Variants in GALNT18 observed in about 807,000 individuals in gnomAD.
GALNT18 encodes polypeptide N-acetylgalactosaminyltransferase 18, also known as GalNAc-transferase 18.
In GALNT18, 44 loss-of-function variants were observed where a neutral mutation model predicts 69.5. The ratio of observed to expected loss-of-function variants is 0.63; its 90% confidence interval spans 0.50 to 0.81. The LOEUF (loss-of-function observed/expected upper bound fraction) is 0.81. GALNT18 is among the 40% of genes least tolerant of loss of function. GALNT18 has a pLI of 0.00. For missense variants in GALNT18, 715 were observed against 810.0 expected, an observed-to-expected ratio of 0.88 and a Z score of 1.42; for synonymous variants, 364 against 318.2, an observed-to-expected ratio of 1.14 and a Z score of -1.53.
chr11:11,602,673 C>T lies in GALNT18; in HGVS notation c.235+18686G>A, dbSNP rs182962753. On this transcript the variant is annotated intron_variant, in intron 1 of 10. Coordinates refer to ENST00000227756, the MANE Select transcript of GALNT18 (RefSeq NM_198516.3). The surrounding 1 kb of genome is among the most constrained non-coding windows in gnomAD (Gnocchi z 4.7). ...GATGGGTGTTGTTTAATAATTTTTA[C>T]CAGTTATGTTGTTTCACTGGGCAAA... Among the ~76,000 whole-genome samples the T allele has an allele frequency of 1.5e-3, 221 of 152,234 alleles. 3 individuals are homozygous for T. Among genetic ancestry groups the T allele is most frequent in the African/African-American group, 5.2e-3 (217 of 41,540 alleles).
At chr11:11,395,098 A>G (rs372911059) in intron 3 of GALNT18, among the ~76,000 whole-genome samples, 2 of 152,240 alleles carry the variant, frequency 1.3e-5, no homozygotes, top group Admixed American at 6.5e-5. Context: ...TTCAGCAAAA[A>G]TGTGGATGAC....
intron 3 of GALNT18, among the ~76,000 whole-genome samples, chr11:11,395,758 G>T (rs993104309): frequency 6.6e-6 from 1 of 152,206 alleles, no homozygotes; most frequent in Admixed American, 6.5e-5. Context: ...AAGCAGCAGA[G>T]CCGAAATGAA....
intron 1 of GALNT18, among the ~76,000 whole-genome samples, chr11:11,572,480 C>T: frequency 6.6e-6 from 1 of 152,208 alleles, no homozygotes; most frequent in African/African-American, 2.4e-5. Context: ...GTTTAGGCAG[C>T]TAATCCAAAG....
intron 10 of GALNT18, among the ~76,000 whole-genome samples, chr11:11,273,551 G>T (rs1475560815): frequency 6.6e-6 from 1 of 152,168 alleles, no homozygotes; most frequent in African/African-American, 2.4e-5. Flanking sequence ...AATAAATGCT[G>T]GTGAGGATGT....
intron 3 of GALNT18, among the ~76,000 whole-genome samples, chr11:11,431,904 G>T (rs1429381166): frequency 1.3e-5 from 2 of 152,218 alleles, no homozygotes; most frequent in Non-Finnish European, 2.9e-5. Flanking sequence ...GTCTCAAAAT[G>T]TGGTCTTTCA....
At chr11:11,394,219 AG>A (rs1854267119) in intron 3 of GALNT18, among the ~76,000 whole-genome samples, 1 of 152,170 alleles carries the variant, frequency 6.6e-6, no homozygotes, top group Admixed American at 6.5e-5. Context: ...GGATGGATGA[AG>A]GGGCTTTCCT....
At chr11:11,422,545 A>G (rs1855033809) in intron 3 of GALNT18, among the ~76,000 whole-genome samples, 1 of 151,860 alleles carries the variant, frequency 6.6e-6, no homozygotes, top group South Asian at 2.1e-4. Flanking sequence ...TTGTAATTTG[A>G]TTAGCTACAT....
At position 11,436,826 on chromosome 11, in the gene GALNT18, A is replaced by C. The variant is rs1855413582; in HGVS notation, c.429-4039T>G. Among the ~76,000 whole-genome samples the C allele has an allele frequency of 6.6e-6, 1 of 152,216 alleles. No individual in the cohort carries two copies. The highest frequency in any genetic ancestry group is 2.1e-4 in the South Asian group (1 of 4,832). On this transcript the variant is annotated intron_variant, in intron 2 of 10. Transcript: ENST00000227756. This position sits in a 1 kb window ranked among gnomAD's most constrained non-coding sequence, Gnocchi z 4.5. ...TTGTGCTGTAGTCCAAGTCACCTTG[A>C]AAAGAACACGCCTCCAAGAGCTGCG...
chr11:11,561,359 CTGTA>C (rs1858501413), intron 1 of GALNT18, among the ~76,000 whole-genome samples: 1 of 23,582 alleles, frequency 4.2e-5, no homozygotes, highest in African/African-American at 1.7e-4. Flanking sequence ...AAGCACTGTG[CTGTA>C]GGGAAAGGAA....
rs1855397077 is a variant in GALNT18, at chr11:11,436,123, G to T, written c.429-3336C>A. 6.6e-6 allele frequency among the ~76,000 whole-genome samples: 1 copy of T among 152,198 alleles called. No individual in the cohort carries two copies. Among genetic ancestry groups the T allele is most frequent in the South Asian group, 2.1e-4 (1 of 4,832 alleles). ...GCAGGGTAAGGAAGATGATATGGGG[G>T]GATCGTTTTTGGGAAAGCGTTTGAA... On this transcript the variant is annotated intron_variant, in intron 2 of 10. Transcript: ENST00000227756. The surrounding 1 kb of genome is among the most constrained non-coding windows in gnomAD (Gnocchi z 4.5).
At chr11:11,362,018 A>T (rs1431635327) in intron 6 of GALNT18, among the ~76,000 whole-genome samples, 1 of 152,230 alleles carries the variant, frequency 6.6e-6, no homozygotes, top group African/African-American at 2.4e-5. Context: ...ATCCAGAAAC[A>T]GACCCAAAAG....
rs10765860 is a variant in GALNT18 at position 11,497,818 on chromosome 11, T to C, written c.236-48882A>G. Reference sequence around the variant, plus strand: ...CCATAAACACTATTTCAACTTAAAATATTTCATGCTAATATTTTGGTGTAA... The same window carrying C: ...CCATAAACACTATTTCAACTTAAAACATTTCATGCTAATATTTTGGTGTAA... On this transcript the variant is annotated intron_variant, in intron 1 of 10. Transcript: ENST00000227756. The surrounding 1 kb of genome is among the most constrained non-coding windows in gnomAD (Gnocchi z 4.2). Among the ~76,000 whole-genome samples the C allele has an allele frequency of 0.7, 105,264 of 151,334 alleles. 36,692 individuals carry two copies. The highest frequency in any genetic ancestry group is 0.82 in the East Asian group (4,245 of 5,156).
rs1049476800 is a variant in GALNT18, at chr11:11,592,500, C to T, written c.235+28859G>A. Among the ~76,000 whole-genome samples the T allele has an allele frequency of 3.9e-5, 6 of 152,178 alleles. No individual in the cohort carries two copies. The highest frequency in any genetic ancestry group is 2.6e-4 in the Admixed American group (4 of 15,284). ...CTCCCTCAAGTTCCTACCATGGCTC[C>T]CTGGCAGAACCATGCTCCCTCACCT... is the stretch of plus-strand genomic sequence containing the variant. On this transcript the variant is annotated intron_variant, in intron 1 of 10. Coordinates refer to ENST00000227756, the MANE Select transcript of GALNT18 (RefSeq NM_198516.3). The surrounding 1 kb of genome is among the most constrained non-coding windows in gnomAD (Gnocchi z 5.9).
Position 11,543,520 on chromosome 11 carries a change from A to G in GALNT18, c.235+77839T>C, listed in dbSNP as rs985403160. Among the ~76,000 whole-genome samples, 1 of 152,028 alleles carries G rather than the reference A, an allele frequency of 6.6e-6. No individual in the cohort carries two copies. Among genetic ancestry groups the G allele is most frequent in the African/African-American group, 2.4e-5 (1 of 41,396 alleles). ...CAAGAGCCTGGCTTCTGCACAGGAC[A>G]CCATTCACCAAGTGCTGCTGGAGTC... On this transcript the variant is annotated intron_variant, in intron 1 of 10. Transcript: ENST00000227756. The surrounding 1 kb of genome is among the most constrained non-coding windows in gnomAD (Gnocchi z 5.1).
Position 11,620,319 on chromosome 11 carries a change from GC to G in GALNT18, c.235+1039del, listed in dbSNP as rs1326692380. 1.4e-3 allele frequency among the ~76,000 whole-genome samples: 36 copies of G among 25,648 alleles called. No homozygotes were observed. Among genetic ancestry groups the G allele is most frequent in the African/African-American group, 2.2e-3 (35 of 15,710 alleles). 16.8% of individuals were successfully genotyped at this position (25,648 alleles called of 152,430 possible). A position where few individuals can be genotyped will look rare whatever the true frequency, so the allele number is the denominator to read the frequency against. On this transcript the variant is annotated intron_variant, in intron 1 of 10. Transcript: ENST00000227756. The surrounding 1 kb of genome is among the most constrained non-coding windows in gnomAD (Gnocchi z 6.9). ...GAGGGGAGGAAGTGTGGACGTGAGC[GC>G]GCGCGCGCGCGCGTGTGTGTGTGTG... is the stretch of plus-strand genomic sequence containing the variant.
intron 1 of GALNT18, among the ~76,000 whole-genome samples, chr11:11,509,682 T>C (rs989107795): frequency 3.9e-5 from 6 of 152,214 alleles, no homozygotes; most frequent in Non-Finnish European, 7.3e-5. Context: ...GCACATCTCA[T>C]CAGAAATAAA....
At chr11:11,410,633 A>G (rs1854705535) in intron 3 of GALNT18, among the ~76,000 whole-genome samples, 1 of 152,192 alleles carries the variant, frequency 6.6e-6, no homozygotes, top group Non-Finnish European at 1.5e-5. Flanking sequence ...TGCAGTTTTC[A>G]ATGACACACC....
chr11:11,294,966 C>A (rs1223845161), intron 9 of GALNT18, among the ~76,000 whole-genome samples: 2 of 152,228 alleles, frequency 1.3e-5, no homozygotes, highest in East Asian at 1.9e-4. Context: ...CTCTGGTTAT[C>A]TTGACATGTT....
intron 6 of GALNT18, among the ~76,000 whole-genome samples, chr11:11,368,731 T>C (rs1346012020): frequency 6.6e-6 from 1 of 152,230 alleles, no homozygotes; most frequent in African/African-American, 2.4e-5. Flanking sequence ...TGCTTCTTAT[T>C]CATATTTTCA....
Sources: allele counts gnomAD v4.1 joint callset (sites outside exome capture counted in the v4.1 genomes callset), GRCh38; gene constraint gnomAD v4.1.1; non-coding constraint Gnocchi (gnomAD v3.1); transcripts MANE v1.5; gene names NCBI Gene and HGNC (gene_info 2026-07-23, HGNC 2026-07-21).